PDE10A: variants seen among roughly 807,000 people sequenced by gnomAD.
PDE10A encodes phosphodiesterase 10A, also known as cAMP and cAMP-inhibited cGMP 3',5'-cyclic phosphodiesterase 10A.
A neutral mutation model predicts 97.7 loss-of-function variants in PDE10A; 39 were observed. That is an observed-to-expected ratio of 0.40 (90% CI 0.31 to 0.52). The LOEUF is 0.52. Among genes scored for constraint, PDE10A ranks in the 20% least tolerant of loss-of-function variants. PDE10A has a pLI of 0.56. For synonymous variants in PDE10A, 371 were observed against 376.8 expected (o/e 0.98, Z 0.18); for missense variants, 731 against 1,047.8 (o/e 0.70, Z 4.17).
intron 18 of PDE10A, among the ~76,000 whole-genome samples, chr6:165,366,821 A>G (rs1783800538): frequency 6.6e-6 from 1 of 152,194 alleles, no homozygotes; most frequent in Non-Finnish European, 1.5e-5. Flanking sequence ...AGCTTAAAGG[A>G]ACATACTCAT....
At chr6:165,492,101 A>G (rs1350187864) in intron 2 of PDE10A, among the ~76,000 whole-genome samples, 1 of 152,200 alleles carries the variant, frequency 6.6e-6, no homozygotes, top group African/African-American at 2.4e-5. Context: ...ATAAACTGGG[A>G]AATCTAGAGG....
chr6:165,735,455 T>A (rs368680609), intron 1 of PDE10A, among the ~76,000 whole-genome samples: 2 of 151,904 alleles, frequency 1.3e-5, no homozygotes, highest in African/African-American at 2.4e-5. Flanking sequence ...GGTAGGTAGA[T>A]AGGTAGGTGG....
intron 6 of PDE10A, among the ~76,000 whole-genome samples, chr6:165,434,640 T>C (rs1406211534): frequency 6.6e-6 from 1 of 152,184 alleles, no homozygotes; most frequent in Admixed American, 6.5e-5. Flanking sequence ...CTCACTTGTA[T>C]GTTTCCCACT....
chr6:165,415,472 C>G (rs968238196), intron 12 of PDE10A, among the ~76,000 whole-genome samples: 2 of 152,084 alleles, frequency 1.3e-5, no homozygotes, highest in Non-Finnish European at 2.9e-5. Context: ...CCATTTCTAG[C>G]GATTTATTAA....
intron 1 of PDE10A, among the ~76,000 whole-genome samples, chr6:165,627,034 T>C (rs1241381303): frequency 6.6e-6 from 1 of 152,202 alleles, no homozygotes; most frequent in African/African-American, 2.4e-5. Context: ...CTTTCACATC[T>C]CTAAATCTGT....
intron 1 of PDE10A, among the ~76,000 whole-genome samples, chr6:165,864,129 C>T (rs142013605): frequency 3.4e-4 from 52 of 152,130 alleles, no homozygotes; most frequent in East Asian, 1.2e-3. Flanking sequence ...ATCTATGCTT[C>T]GCTGTTCTGG....
At chr6:165,465,230 A>G (rs73788401) in intron 3 of PDE10A, among the ~76,000 whole-genome samples, 4,240 of 152,280 alleles carry the variant, frequency 0.028, 202 homozygotes, top group African/African-American at 0.094. Flanking sequence ...GAGCAACTAT[A>G]ATGACCCATG....
Position 165,432,834 on chromosome 6 carries a change from C to T in PDE10A, c.1491+140G>A, listed in dbSNP as rs1583275250. On this transcript the variant is annotated intron_variant, in intron 7 of 21. Transcript: ENST00000539869. ...GTTTTAAAATCATTATCATTAGTATCAAAACACTGTTAAGCAAATTGTGAT... is the reference window on the plus strand; with the variant it reads ...GTTTTAAAATCATTATCATTAGTATTAAAACACTGTTAAGCAAATTGTGAT... 4 of 635,230 alleles carry T rather than the reference C, an allele frequency of 6.3e-6. No homozygotes were observed. The South Asian group carries it at 7.0e-5, about 11-fold the overall frequency. 39.3% of individuals were successfully genotyped at this position (635,230 alleles called of 1,614,324 possible).
chr6:165,916,739 G>T (rs554818971), intron 1 of PDE10A, among the ~76,000 whole-genome samples: 1 of 152,270 alleles, frequency 6.6e-6, no homozygotes, highest in African/African-American at 2.4e-5. Flanking sequence ...GCAAAAAACG[G>T]ATTCCTTTTG....
At chr6:165,894,606 C>CA (rs1554336528) in intron 1 of PDE10A, 4 of 445,002 alleles carry the variant, frequency 9.0e-6, no homozygotes, top group Admixed American at 7.3e-5. Context: ...CTACATATCC[C>CA]GAGGAAGAGC....
At chr6:165,501,232 C>A (rs1780860960) in intron 2 of PDE10A, among the ~76,000 whole-genome samples, 1 of 152,126 alleles carries the variant, frequency 6.6e-6, no homozygotes, top group Non-Finnish European at 1.5e-5. Context: ...TGTGGAGGGG[C>A]AGGCCACCCC....
chr6:165,954,295 C>T (rs1420061278), intron 1 of PDE10A, among the ~76,000 whole-genome samples: 1 of 152,216 alleles, frequency 6.6e-6, no homozygotes, highest in Admixed American at 6.5e-5. Context: ...GTGCTTCTGA[C>T]ATTACCACTC....
chr6:165,569,825 A>T (rs900598206), intron 1 of PDE10A, among the ~76,000 whole-genome samples: 1 of 152,206 alleles, frequency 6.6e-6, no homozygotes, highest in African/African-American at 2.4e-5. Context: ...ATAAACCCAC[A>T]TATGTTCTTT....
At chr6:165,638,380 G>A (rs11755331) in intron 1 of PDE10A, among the ~76,000 whole-genome samples, 36,355 of 151,520 alleles carry the variant, frequency 0.24, 4,573 homozygotes, top group Middle Eastern at 0.39. Context: ...GAGAAGGAAG[G>A]CAAGAGACAG....
intron 2 of PDE10A, among the ~76,000 whole-genome samples, chr6:165,501,607 A>C (rs1780895116): frequency 6.6e-6 from 1 of 152,132 alleles, no homozygotes; most frequent in African/African-American, 2.4e-5. Flanking sequence ...AATCTGCAAG[A>C]AACTACTAGA....
intron 1 of PDE10A, among the ~76,000 whole-genome samples, chr6:165,920,752 ATTTG>A (rs1281725909): frequency 1.3e-5 from 2 of 151,996 alleles, no homozygotes; most frequent in Non-Finnish European, 2.9e-5. Flanking sequence ...AAATGCTATT[ATTTG>A]TTTGTTCATT....
At chr6:165,976,079 G>A (rs900353170) in intron 1 of PDE10A, among the ~76,000 whole-genome samples, 1 of 152,194 alleles carries the variant, frequency 6.6e-6, no homozygotes, top group African/African-American at 2.4e-5. Flanking sequence ...GCATAGAGGG[G>A]TATGGATAAA....
chr6:165,511,723 GTTA>G (rs1781521063), intron 2 of PDE10A, among the ~76,000 whole-genome samples: 1 of 151,884 alleles, frequency 6.6e-6, no homozygotes, highest in Non-Finnish European at 1.5e-5. Context: ...AATATTTAGA[GTTA>G]TTATATCCTC....
chr6:165,709,260 C>T (rs1791819752), intron 1 of PDE10A, among the ~76,000 whole-genome samples: 2 of 144,284 alleles, frequency 1.4e-5, no homozygotes, highest in Admixed American at 1.4e-4. Flanking sequence ...CACTCTCCAT[C>T]CCCATGCTGC....
Sources: gnomAD v4.1 joint callset for allele counts (sites outside exome capture counted in the v4.1 genomes callset) on GRCh38, gnomAD v4.1.1 for gene constraint, MANE v1.5 for transcripts, NCBI Gene and HGNC (gene_info 2026-07-23, HGNC 2026-07-21) for gene names.